The following RSPO2 variants were observed in gnomAD, a reference collection of about 807,000 sequenced individuals.
The protein encoded by RSPO2 is R-spondin 2, also known as R-spondin-2.
A neutral mutation model predicts 30.9 loss-of-function variants in RSPO2; 14 were observed. The observed-to-expected ratio is 0.45, with a 90% CI of 0.30 to 0.71. The LOEUF is 0.71. Ranked by LOEUF, RSPO2 falls within the 30% of genes least tolerant of loss-of-function variation. The probability of loss-of-function intolerance (pLI) is 0.08; values close to 1 mark genes in which losing one functional copy is unlikely to be tolerated. For synonymous variants in RSPO2, 107 were observed against 96.4 expected (o/e 1.11, Z -0.64); for missense variants, 264 against 301.9 (o/e 0.87, Z 0.93).
intron 2 of RSPO2, among the ~76,000 whole-genome samples, chr8:108,021,816 C>T (rs947340580): frequency 6.6e-6 from 1 of 152,022 alleles, no homozygotes; most frequent in Admixed American, 6.6e-5. Flanking sequence ...AGGAGAAATA[C>T]CTAATGCATG....
chr8:108,001,387 A>G (rs1231311561), intron 2 of RSPO2, among the ~76,000 whole-genome samples: 2 of 152,226 alleles, frequency 1.3e-5, no homozygotes, highest in African/African-American at 2.4e-5. Context: ...ACTTTGGGAA[A>G]CCAAGCCCTA....
At chr8:107,989,842 T>C (rs1563553029) in intron 2 of RSPO2, among the ~76,000 whole-genome samples, 1 of 151,966 alleles carries the variant, frequency 6.6e-6, no homozygotes, top group Non-Finnish European at 1.5e-5. Context: ...AAAGAAAAAA[T>C]AAATAAATAT....
intron 2 of RSPO2, among the ~76,000 whole-genome samples, chr8:108,017,738 T>C (rs1379170381): frequency 1.3e-5 from 2 of 152,200 alleles, no homozygotes; most frequent in Non-Finnish European, 1.5e-5. Flanking sequence ...ACAAAGAATA[T>C]GGTTATTTCA....
chr8:107,953,190 G>A (rs776079075), intron 5 of RSPO2, among the ~76,000 whole-genome samples: 8 of 152,204 alleles, frequency 5.3e-5, no homozygotes, highest in Non-Finnish European at 1.2e-4. Flanking sequence ...TGGAGATGGG[G>A]ATCAGGTTAC....
intron 5 of RSPO2, among the ~76,000 whole-genome samples, chr8:107,930,731 G>T (rs1180381611): frequency 1.3e-5 from 2 of 152,110 alleles, no homozygotes; most frequent in African/African-American, 4.8e-5. Flanking sequence ...ATACAACTAT[G>T]ATCTCACACT....
intron 2 of RSPO2, among the ~76,000 whole-genome samples, chr8:108,080,568 G>A (rs1055878210): frequency 6.6e-6 from 1 of 152,214 alleles, no homozygotes; most frequent in African/African-American, 2.4e-5. Flanking sequence ...GGCATAGGCA[G>A]ATTCTTAGAG....
At chr8:108,049,592 C>T (rs1227761149) in intron 2 of RSPO2, among the ~76,000 whole-genome samples, 1 of 151,826 alleles carries the variant, frequency 6.6e-6, no homozygotes, top group Non-Finnish European at 1.5e-5. Context: ...TGATGTTCCC[C>T]CCTTCCTGTG....
rs527489490 is a variant in RSPO2, at chr8:107,983,213, G to A, written c.283+5843C>T. The stretch of plus-strand genomic sequence containing the variant: ...GGCAAATACGAAGAGGCTATTTCTT[G>A]TCACAAAAAGGCTGCAGCGTATCTT... On this transcript the variant is annotated intron_variant, in intron 3 of 5. Transcript: ENST00000276659. 16 of 1,575,982 alleles carry A rather than the reference G, an allele frequency of 1.0e-5. No individual in the cohort carries two copies. The East Asian group carries it at 3.6e-4, about 35-fold the overall frequency.
intron 3 of RSPO2, among the ~76,000 whole-genome samples, chr8:107,986,975 G>A (rs1814664282): frequency 6.6e-6 from 1 of 152,120 alleles, no homozygotes; most frequent in South Asian, 2.1e-4. Context: ...AAACATATTT[G>A]CAAGCCAGTC....
At chr8:108,063,699 CAAA>C (rs1291883723) in intron 2 of RSPO2, among the ~76,000 whole-genome samples, 1 of 151,626 alleles carries the variant, frequency 6.6e-6, no homozygotes. Flanking sequence ...CATATGGAAC[CAAA>C]AAGAGCCCGC....
chr8:108,064,712 A>G (rs961232042), intron 2 of RSPO2, among the ~76,000 whole-genome samples: 43 of 152,224 alleles, frequency 2.8e-4, no homozygotes, highest in African/African-American at 1.0e-3. Context: ...TGCTATAAAG[A>G]CACATGCACA....
At chr8:108,060,135 C>A (rs1214783492) in intron 2 of RSPO2, among the ~76,000 whole-genome samples, 1 of 151,800 alleles carries the variant, frequency 6.6e-6, no homozygotes, top group African/African-American at 2.4e-5. Context: ...TCTGCATTTC[C>A]AACTGAGGAA....
At chr8:107,953,663 C>T (rs188468961) in intron 5 of RSPO2, among the ~76,000 whole-genome samples, 2 of 152,228 alleles carry the variant, frequency 1.3e-5, no homozygotes, top group Admixed American at 6.5e-5. Context: ...TCCTAAGCAG[C>T]AGGATGATGG....
At chr8:107,966,743 T>C (rs1215635106) in intron 3 of RSPO2, among the ~76,000 whole-genome samples, 1 of 152,204 alleles carries the variant, frequency 6.6e-6, no homozygotes, top group Non-Finnish European at 1.5e-5. Flanking sequence ...ATCTCTTAAT[T>C]GAATATCTCA....
At chr8:107,973,680 C>T (rs1031732372) in intron 3 of RSPO2, among the ~76,000 whole-genome samples, 10 of 152,126 alleles carry the variant, frequency 6.6e-5, no homozygotes, top group Admixed American at 3.3e-4. Flanking sequence ...CAAATGCATA[C>T]TTGACTTTTT....
At chr8:107,979,981 C>T (rs1814367295) in intron 3 of RSPO2, among the ~76,000 whole-genome samples, 1 of 152,234 alleles carries the variant, frequency 6.6e-6, no homozygotes, top group African/African-American at 2.4e-5. Context: ...ATCCTCCATC[C>T]TCAGCTTCCA....
chr8:107,945,585 T>C (rs1482238412), intron 5 of RSPO2, among the ~76,000 whole-genome samples: 1 of 152,146 alleles, frequency 6.6e-6, no homozygotes, highest in Non-Finnish European at 1.5e-5. Context: ...CCAATTTTTA[T>C]TCTTTTGCTA....
At chr8:108,004,431 G>A (rs771015336) in intron 2 of RSPO2, among the ~76,000 whole-genome samples, 14 of 152,160 alleles carry the variant, frequency 9.2e-5, no homozygotes, top group Non-Finnish European at 1.9e-4. Flanking sequence ...AACACAGCAA[G>A]CATACCTATG....
chr8:107,899,354 A>T lies in RSPO2; in HGVS notation c.*1721T>A, dbSNP rs1415757109. ...TTTAATGCACAAAAAAGAACATCCCAGGAACAACAGGTATTGACTTATTAA... is the reference window on the plus strand; with the variant it reads ...TTTAATGCACAAAAAAGAACATCCCTGGAACAACAGGTATTGACTTATTAA... On this transcript the variant is annotated 3_prime_UTR_variant, in exon 6 of 6. Transcript: ENST00000276659. The T allele has an allele frequency of 3.9e-5, 6 of 152,770 alleles. No individual in the cohort carries two copies. In the East Asian group the frequency reaches 1.2e-3, roughly 29 times the overall value. 9.5% of individuals were successfully genotyped at this position (152,770 alleles called of 1,614,324 possible).
Sources: allele counts gnomAD v4.1 joint callset (sites outside exome capture counted in the v4.1 genomes callset), GRCh38; gene constraint gnomAD v4.1.1; transcripts MANE v1.5; gene names NCBI Gene and HGNC (gene_info 2026-07-23, HGNC 2026-07-21).